Variants in TMEM161B observed in about 807,000 individuals in gnomAD.
The protein encoded by TMEM161B is transmembrane protein 161B.
A neutral mutation model predicts 61.8 loss-of-function variants in TMEM161B; 34 were observed. That is an observed-to-expected ratio of 0.55 (90% CI 0.42 to 0.73). The LOEUF is 0.73. Ranked by LOEUF, TMEM161B falls within the 30% of genes least tolerant of loss-of-function variation. The probability of loss-of-function intolerance (pLI) is 0.00; values close to 1 mark genes in which losing one functional copy is unlikely to be tolerated. For missense variants in TMEM161B, 456 were observed against 558.5 expected, an observed-to-expected ratio of 0.82 and a Z score of 1.85; for synonymous variants, 167 against 192.8, an observed-to-expected ratio of 0.87 and a Z score of 1.11.
At chr5:88,218,431 C>A (rs1207393627) in intron 5 of TMEM161B, among the ~76,000 whole-genome samples, 2 of 152,086 alleles carry the variant, frequency 1.3e-5, no homozygotes, top group African/African-American at 2.4e-5. Flanking sequence ...AATTTCAACA[C>A]ACTAGGTGGC....
intron 2 of TMEM161B, among the ~76,000 whole-genome samples, chr5:88,240,510 C>G (rs545338114): frequency 6.6e-6 from 1 of 151,778 alleles, no homozygotes; most frequent in East Asian, 1.9e-4. Context: ...TTGTGCTAAA[C>G]AGATAAACTA....
intron 3 of TMEM161B, 42 bp downstream of exon 3, chr5:88,228,403 T>C: frequency 1.5e-6 from 2 of 1,327,850 alleles, no homozygotes; most frequent in Middle Eastern, 2.3e-4. Flanking sequence ...TTATATAAAT[T>C]GTGTTAAATA....
downstream of TMEM161B, among the ~76,000 whole-genome samples, chr5:88,193,161 TC>T (rs1749135902): frequency 6.6e-6 from 1 of 152,074 alleles, no homozygotes; most frequent in African/African-American, 2.4e-5. Context: ...GCTTTTCATT[TC>T]AGACAAATCA....
In TMEM161B at chr5:88,203,033, A is replaced by G. The variant is rs1744723818; in HGVS notation, c.843T>C (p.Val281=). The part of the protein sequence containing the change: ...HINFLAPLFM[V]LLWVKPITKD... ...TGGTGATTGGTTTTACCCAGAGCAGAACCATAAATAAAGGTGCCAAGAAGT... is the reference window on the plus strand; with the variant it reads ...TGGTGATTGGTTTTACCCAGAGCAGGACCATAAATAAAGGTGCCAAGAAGT... Residue 281 remains valine, a synonymous_variant, in exon 9 of 12, where the codon GTT becomes GTC. Coordinates refer to ENST00000296595, the MANE Select transcript of TMEM161B (RefSeq NM_153354.5). The G allele has an allele frequency of 1.2e-6, 2 of 1,609,980 alleles. No individual in the cohort carries two copies. The highest frequency in any genetic ancestry group is 3.3e-5 in the Admixed American group (2 of 59,870).
At chr5:88,216,393 AG>A (rs1266075718) in intron 5 of TMEM161B, among the ~76,000 whole-genome samples, 1 of 152,270 alleles carries the variant, frequency 6.6e-6, no homozygotes, top group African/African-American at 2.4e-5. Context: ...GTCGAGGGAT[AG>A]GTCTTTATTC....
rs1749654139 is a variant in TMEM161B at position 88,196,447 on chromosome 5, A to G, written c.1228T>C (p.Leu410=). 6.2e-7 allele frequency: 1 copy of G among 1,612,014 alleles called. No individual in the cohort carries two copies. Among genetic ancestry groups the G allele is most frequent in the East Asian group, 2.2e-5 (1 of 44,820 alleles). The change falls in exon 12 of 12, where the codon TTA becomes CTA. Residue 410 remains leucine (L), a synonymous_variant. Coordinates refer to ENST00000296595, the MANE Select transcript of TMEM161B (RefSeq NM_153354.5). The stretch of plus-strand genomic sequence containing the variant: ...GACAGTAGACTATTATCCACTGGTA[A>G]GGTAGAGATAGATTCTGGATAAATA... The part of the protein sequence containing the change: ...WGIYPESIST[L]PVDNSLLSNS...
chr5:88,211,753 GAGC>G (rs1314382954), intron 5 of TMEM161B, among the ~76,000 whole-genome samples: 1 of 133,088 alleles, frequency 7.5e-6, no homozygotes, highest in East Asian at 2.1e-4. Context: ...CCTGGTAACA[GAGC>G]AGAACTCCAT....
chr5:88,268,119 T>C (rs559947453), intron 1 of TMEM161B, among the ~76,000 whole-genome samples: 2 of 152,334 alleles, frequency 1.3e-5, no homozygotes, highest in African/African-American at 4.8e-5. Flanking sequence ...TCATTCTCCC[T>C]ACTGCAACAG....
chr5:88,229,783 A>C (rs1236260404), intron 2 of TMEM161B, among the ~76,000 whole-genome samples: 1 of 151,348 alleles, frequency 6.6e-6, no homozygotes, highest in Admixed American at 6.6e-5. Context: ...ACAGGGGCTC[A>C]CTTGGTTGTC....
intron 5 of TMEM161B, among the ~76,000 whole-genome samples, chr5:88,219,292 C>T (rs570779148): frequency 2.6e-5 from 4 of 152,214 alleles, no homozygotes; most frequent in African/African-American, 7.2e-5. Flanking sequence ...CCCAAAGATA[C>T]GTGCTTAATC....
intron 2 of TMEM161B, among the ~76,000 whole-genome samples, chr5:88,232,866 G>A (rs948474427): frequency 6.6e-6 from 1 of 152,194 alleles, no homozygotes. Context: ...GAGCCACCGC[G>A]CCTGGCCTTA....
At chr5:88,203,588 T>A (rs1011274454) in intron 8 of TMEM161B, among the ~76,000 whole-genome samples, 2 of 151,652 alleles carry the variant, frequency 1.3e-5, no homozygotes, top group Admixed American at 6.6e-5. Context: ...CTAGAAGGCA[T>A]ATGGCAGACG....
chr5:88,260,889 T>C (rs899165674), intron 1 of TMEM161B, among the ~76,000 whole-genome samples: 1 of 152,232 alleles, frequency 6.6e-6, no homozygotes, highest in African/African-American at 2.4e-5. Context: ...TTATAGTTTA[T>C]AGCCAAAACA....
At chr5:88,253,569 G>A (rs1476140174) in intron 1 of TMEM161B, among the ~76,000 whole-genome samples, 2 of 152,174 alleles carry the variant, frequency 1.3e-5, no homozygotes, top group Non-Finnish European at 2.9e-5. Context: ...GTTCCACATG[G>A]CTAGACTTTA....
At chr5:88,237,683 A>G (rs1752082380) in intron 2 of TMEM161B, among the ~76,000 whole-genome samples, 1 of 150,788 alleles carries the variant, frequency 6.6e-6, no homozygotes, top group Non-Finnish European at 1.5e-5. Flanking sequence ...AACAATTATA[A>G]GGGTAATATT....
chr5:88,262,622 T>C (rs1341388566), intron 1 of TMEM161B, among the ~76,000 whole-genome samples: 2 of 152,156 alleles, frequency 1.3e-5, no homozygotes, highest in East Asian at 1.9e-4. Flanking sequence ...AAATGCATAT[T>C]CTTAAGTGAA....
chr5:88,263,720 C>A (rs1169389855), intron 1 of TMEM161B, among the ~76,000 whole-genome samples: 1 of 152,136 alleles, frequency 6.6e-6, no homozygotes, highest in East Asian at 1.9e-4. Flanking sequence ...CAACTTAATG[C>A]ACTTTAAGCT....
intron 11 of TMEM161B, 107 bp from the exon 12 acceptor site, chr5:88,196,595 C>T: frequency 1.8e-6 from 2 of 1,107,774 alleles, no homozygotes; most frequent in Non-Finnish European, 2.5e-6. Context: ...TTTAGTGGCA[C>T]AGTACATCAT....
At chr5:88,237,835 A>G (rs890823189) in intron 2 of TMEM161B, among the ~76,000 whole-genome samples, 1 of 152,108 alleles carries the variant, frequency 6.6e-6, no homozygotes, top group Non-Finnish European at 1.5e-5. Flanking sequence ...AAAATCAACA[A>G]ACTAATTTGT....
Sources: allele counts gnomAD v4.1 joint callset (sites outside exome capture counted in the v4.1 genomes callset), GRCh38; gene constraint gnomAD v4.1.1; transcripts MANE v1.5; gene names NCBI Gene and HGNC (gene_info 2026-07-23, HGNC 2026-07-21).